FAM222A: variants seen among roughly 807,000 people sequenced by gnomAD.
The protein encoded by FAM222A is family with sequence similarity 222 member A.
A neutral mutation model predicts 25.8 loss-of-function variants in FAM222A; 7 were observed. The ratio of observed to expected loss-of-function variants is 0.27; its 90% CI spans 0.15 to 0.51. The LOEUF is 0.51. Among genes scored for constraint, FAM222A ranks in the 20% least tolerant of loss-of-function variants. The pLI is 0.97. For synonymous variants in FAM222A, 294 were observed against 298.8 expected (o/e 0.98, Z 0.17); for missense variants, 573 against 640.5 (o/e 0.89, Z 1.14).
chr12:109,734,728 CA>C (rs1429444141), intron 1 of FAM222A: 3 of 152,048 alleles, frequency 2.0e-5, no homozygotes, highest in Non-Finnish European at 2.9e-5. Context: ...TAGGCTATGA[CA>C]GGGGGAGGGG....
At chr12:109,750,566 TTA>T (rs1416083294) in intron 2 of FAM222A, among the ~76,000 whole-genome samples, 2 of 152,182 alleles carry the variant, frequency 1.3e-5, no homozygotes, top group South Asian at 2.1e-4. Flanking sequence ...TTCTCAGGGC[TTA>T]TAATATAGCA....
rs543843465 is a variant in FAM222A at position 109,723,748 on chromosome 12, G to A, written c.-47+8851G>A. Among the ~76,000 whole-genome samples, 337 of 152,360 alleles carry A rather than the reference G, an allele frequency of 2.2e-3. 2 individuals are homozygous for A. Among genetic ancestry groups the A allele is most frequent in the Non-Finnish European group, 3.9e-3 (264 of 68,042 alleles). ...GGCCTGGGCCCCAAGCCCAGAGCAG[G>A]TTCCTGGGCCTCCGCCCCTCCTCCT... On this transcript the variant is annotated intron_variant, in intron 1 of 2. Transcript: ENST00000538780.
intron 1 of FAM222A, among the ~76,000 whole-genome samples, chr12:109,727,441 CCTT>C (rs914830893): frequency 3.1e-4 from 47 of 152,184 alleles, no homozygotes; most frequent in African/African-American, 1.1e-3. Flanking sequence ...AGCTCTGCCT[CCTT>C]CTCTGACTAT....
At chr12:109,719,453 C>T (rs1442349424) in intron 1 of FAM222A, among the ~76,000 whole-genome samples, 1 of 152,194 alleles carries the variant, frequency 6.6e-6, no homozygotes, top group African/African-American at 2.4e-5. Context: ...AGCAAGGACA[C>T]CCTGTCGCCC....
chr12:109,749,403 G>A (rs1259824356), intron 2 of FAM222A, among the ~76,000 whole-genome samples: 2 of 152,178 alleles, frequency 1.3e-5, no homozygotes, highest in Non-Finnish European at 2.9e-5. Flanking sequence ...ACCACGCCCA[G>A]CCTTGTGTTT....
chr12:109,730,697 C>G (rs766528046), intron 1 of FAM222A, among the ~76,000 whole-genome samples: 8 of 152,200 alleles, frequency 5.3e-5, no homozygotes, highest in Non-Finnish European at 1.2e-4. Context: ...GTTCCTGCAG[C>G]CTGGCACACC....
At chr12:109,758,931 G>A (rs1888810325) in intron 2 of FAM222A, among the ~76,000 whole-genome samples, 1 of 152,202 alleles carries the variant, frequency 6.6e-6, no homozygotes, top group Non-Finnish European at 1.5e-5. Context: ...GCAACGGCTT[G>A]AGAAAGAAAC....
At chr12:109,760,515 G>A (rs901445495) in intron 2 of FAM222A, among the ~76,000 whole-genome samples, 2 of 152,208 alleles carry the variant, frequency 1.3e-5, no homozygotes, top group East Asian at 1.9e-4. Context: ...CTGGCAGCCT[G>A]TGGACCACAT....
chr12:109,714,668 G>T lies in FAM222A; in HGVS notation c.-276G>T, dbSNP rs1265560674. 1.3e-5 allele frequency: 2 copies of T among 152,190 alleles called. No individual in the cohort carries two copies. The highest frequency in any genetic ancestry group is 4.8e-5 in the African/African-American group (2 of 41,538). The allele number at this position is 152,190 out of a possible 1,614,324, so 9.4% of individuals were successfully genotyped here. A position where few individuals can be genotyped will look rare whatever the true frequency, so the allele number is the denominator to read the frequency against. On this transcript the variant is annotated 5_prime_UTR_variant, in exon 1 of 3. Transcript: ENST00000538780. This position sits in a 1 kb window ranked among gnomAD's most constrained non-coding sequence, Gnocchi z 4.2. ...CGCCCGCGCGGCCCCCGTCCGGGGC[G>T]GGCGTGACCCCTGCTGAACGGAGAC...
chr12:109,732,537 C>A (rs1257742014), intron 1 of FAM222A, among the ~76,000 whole-genome samples: 1 of 152,248 alleles, frequency 6.6e-6, no homozygotes, highest in Non-Finnish European at 1.5e-5. Flanking sequence ...CCGTCTTTTC[C>A]ACATCAGATC....
chr12:109,714,107 C>T lies in FAM222A; in HGVS notation c.-837C>T, dbSNP rs1203374398. The T allele has an allele frequency of 6.4e-6, 1 of 155,886 alleles. No homozygotes were observed. The highest frequency in any genetic ancestry group is 1.4e-5 in the Non-Finnish European group (1 of 70,060). 9.7% of individuals were successfully genotyped at this position (155,886 alleles called of 1,614,324 possible). On this transcript the variant is annotated 5_prime_UTR_variant, in exon 1 of 3. Coordinates refer to ENST00000538780, the MANE Select transcript of FAM222A (RefSeq NM_032829.3). The surrounding 1 kb of genome is among the most constrained non-coding windows in gnomAD (Gnocchi z 4.2). ...AGCTCGCACACCCGGTGCACAGTCC[C>T]CCGGGCCGTCCTCGTGTCCGTCCTG...
chr12:109,764,643 C>T (rs7303351), intron 2 of FAM222A, among the ~76,000 whole-genome samples: 98,059 of 151,858 alleles, frequency 0.65, 32,232 homozygotes, highest in Middle Eastern at 0.72. Context: ...TTTTTTTTCC[C>T]CGGCAGCTGC....
At chr12:109,744,928 TC>T in intron 2 of FAM222A, 1 of 352,134 alleles carries the variant, frequency 2.8e-6, no homozygotes, top group Non-Finnish European at 4.0e-6. Context: ...GATGTCTGTC[TC>T]CAGGTCACCG....
At chr12:109,764,804 C>T (rs991521493) in intron 2 of FAM222A, among the ~76,000 whole-genome samples, 15 of 152,238 alleles carry the variant, frequency 9.9e-5, no homozygotes, top group Middle Eastern at 3.4e-3. Context: ...CGGGACTCTC[C>T]GAGTGGCGCT....
intron 1 of FAM222A, among the ~76,000 whole-genome samples, chr12:109,717,199 C>CTA (rs1796203672): frequency 6.6e-6 from 1 of 152,230 alleles, no homozygotes; most frequent in African/African-American, 2.4e-5. Context: ...TTCCTATGAC[C>CTA]TACAGGTCAG....
chr12:109,768,187 C>G lies in FAM222A; in HGVS notation c.258C>G (p.Gly86=). The stretch of plus-strand genomic sequence containing the variant: ...CAGTCAATGGCTATGACACCAGTGG[C>G]CAGCGCTACAGCCCCTACCCACAGC... ...SRTVNGYDTS[G]QRYSPYPQHT... Residue 86 remains glycine (G), a synonymous_variant, in exon 3 of 3, where the codon GGC becomes GGG. Transcript: ENST00000538780. The G allele has an allele frequency of 6.2e-7, 1 of 1,613,536 alleles. No homozygotes were observed. The highest frequency in any genetic ancestry group is 1.1e-5 in the South Asian group (1 of 91,046).
chr12:109,728,691 T>C (rs1052022947), intron 1 of FAM222A, among the ~76,000 whole-genome samples: 1 of 152,078 alleles, frequency 6.6e-6, no homozygotes, highest in African/African-American at 2.4e-5. Context: ...TTCACCAATC[T>C]CCCATCTCTT....
chr12:109,727,904 C>T (rs573240367), intron 1 of FAM222A, among the ~76,000 whole-genome samples: 1 of 152,148 alleles, frequency 6.6e-6, no homozygotes, highest in Non-Finnish European at 1.5e-5. Flanking sequence ...GTCCCTCAAT[C>T]GTGGCGGGAC....
intron 1 of FAM222A, among the ~76,000 whole-genome samples, chr12:109,718,683 T>G (rs1267964914): frequency 6.6e-6 from 1 of 152,214 alleles, no homozygotes; most frequent in Non-Finnish European, 1.5e-5. Flanking sequence ...AGGGCTGCGG[T>G]GCCGGCCGGT....
Sources: gnomAD v4.1 joint callset for allele counts (sites outside exome capture counted in the v4.1 genomes callset) on GRCh38, gnomAD v4.1.1 for gene constraint, Gnocchi (gnomAD v3.1) non-coding constraint, MANE v1.5 for transcripts, NCBI Gene and HGNC (gene_info 2026-07-23, HGNC 2026-07-21) for gene names.